CARMIL1: variants seen among roughly 807,000 people sequenced by gnomAD.
The protein encoded by CARMIL1 is capping protein regulator and myosin 1 linker 1.
Under a neutral mutation model 177.1 loss-of-function variants are expected in CARMIL1, and 90 were observed. The observed-to-expected ratio is 0.51, with a 90% CI of 0.43 to 0.61. The LOEUF (loss-of-function observed/expected upper bound fraction) is 0.61, where lower values mean the gene tolerates loss of function less well. Among genes scored for constraint, CARMIL1 ranks in the 20% least tolerant of loss-of-function variants. CARMIL1 has a pLI of 0.00. For synonymous variants in CARMIL1, 577 were observed against 606.2 expected (o/e 0.95, Z 0.71); for missense variants, 1,380 against 1,667.0 (o/e 0.83, Z 3.00).
intron 2 of CARMIL1, among the ~76,000 whole-genome samples, chr6:25,285,843 G>C (rs1165653509): frequency 6.6e-6 from 1 of 151,834 alleles, no homozygotes; most frequent in Non-Finnish European, 1.5e-5. Context: ...CAAATCCCAG[G>C]TATGTTATTG....
intron 15 of CARMIL1, among the ~76,000 whole-genome samples, chr6:25,494,692 A>G (rs1403518951): frequency 6.6e-6 from 1 of 152,198 alleles, no homozygotes. Context: ...GTCTTGTTGC[A>G]TGTGAAACCT....
intron 2 of CARMIL1, among the ~76,000 whole-genome samples, chr6:25,307,666 G>A (rs916100084): frequency 6.6e-6 from 1 of 152,208 alleles, no homozygotes; most frequent in Non-Finnish European, 1.5e-5. Context: ...AGTAAACAGA[G>A]ATGTATTTAG....
rs184605769 is a variant in CARMIL1, at chr6:25,404,618, T to C, written c.139-15496T>C. 1.2e-3 allele frequency among the ~76,000 whole-genome samples: 188 copies of C among 152,198 alleles called. 1 individual carries two copies. The highest frequency in any genetic ancestry group is 0.01 in the Middle Eastern group (3 of 294). On this transcript the variant is annotated intron_variant, in intron 2 of 36. Coordinates refer to ENST00000329474, the MANE Select transcript of CARMIL1 (RefSeq NM_017640.6). ...TAAAAATACAAAAATTAGCCAGGCA[T>C]GGTGGCACACACCTGTAGTCCCAGC...
chr6:25,290,390 T>C (rs1781857258), intron 2 of CARMIL1, among the ~76,000 whole-genome samples: 1 of 148,440 alleles, frequency 6.7e-6, no homozygotes. Flanking sequence ...TTTTTTTTTT[T>C]TTGAGAACTA....
At chr6:25,357,094 G>A (rs1199749988) in intron 2 of CARMIL1, among the ~76,000 whole-genome samples, 1 of 146,218 alleles carries the variant, frequency 6.8e-6, no homozygotes, top group Non-Finnish European at 1.5e-5. Flanking sequence ...TTTTTTTTTG[G>A]CACTCTGTAA....
intron 36 of CARMIL1, among the ~76,000 whole-genome samples, chr6:25,611,066 A>G (rs762289149): frequency 6.6e-6 from 1 of 151,938 alleles, no homozygotes. Context: ...CTCTTCCTAC[A>G]TTGGCCTATT....
intron 23 of CARMIL1, among the ~76,000 whole-genome samples, chr6:25,521,821 C>T (rs994455096): frequency 2.0e-5 from 3 of 150,250 alleles, no homozygotes; most frequent in Non-Finnish European, 2.9e-5. Context: ...CAGTCAGAGT[C>T]GTAGTGGTCT....
chr6:25,401,053 C>T (rs1793842940), intron 2 of CARMIL1, among the ~76,000 whole-genome samples: 1 of 152,048 alleles, frequency 6.6e-6, no homozygotes, highest in African/African-American at 2.4e-5. Context: ...TAGGGTTTTC[C>T]TGCATATTGT....
intron 24 of CARMIL1, among the ~76,000 whole-genome samples, chr6:25,529,171 T>C (rs951766614): frequency 6.6e-6 from 1 of 152,204 alleles, no homozygotes; most frequent in African/African-American, 2.4e-5. Context: ...GATAATAAAA[T>C]CTGAAAGTGA....
chr6:25,394,879 A>G (rs1337886718), intron 2 of CARMIL1, among the ~76,000 whole-genome samples: 1 of 152,230 alleles, frequency 6.6e-6, no homozygotes, highest in Admixed American at 6.5e-5. Context: ...TAAATATGTT[A>G]CTTATTTCCT....
At chr6:25,409,788 A>G (rs527292536) in intron 2 of CARMIL1, among the ~76,000 whole-genome samples, 1 of 152,242 alleles carries the variant, frequency 6.6e-6, no homozygotes, top group South Asian at 2.1e-4. Context: ...TTTGTGAAAT[A>G]ATGCTCATGT....
chr6:25,515,945 T>C lies in CARMIL1; in HGVS notation c.1805+98T>C. The C allele has an allele frequency of 8.3e-7, 1 of 1,210,730 alleles. No individual in the cohort carries two copies. The highest frequency in any genetic ancestry group is 1.1e-6 in the Non-Finnish European group (1 of 883,358). 75.0% of individuals were successfully genotyped at this position (1,210,730 alleles called of 1,614,324 possible). A position where few individuals can be genotyped will look rare whatever the true frequency, so the allele number is the denominator to read the frequency against. On this transcript the variant is annotated intron_variant, in intron 21 of 36. Transcript: ENST00000329474. This position sits in a 1 kb window ranked among gnomAD's most constrained non-coding sequence, Gnocchi z 5.0. Reference sequence around the variant, plus strand: ...TGCTGGGCCCGAGGGGACCTGGGCTTCCCATGAGGCCATCTTGAGGAGAAG... The same window carrying C: ...TGCTGGGCCCGAGGGGACCTGGGCTCCCCATGAGGCCATCTTGAGGAGAAG...
At chr6:25,617,973 T>A (rs1211286323) in intron 36 of CARMIL1, among the ~76,000 whole-genome samples, 2 of 152,198 alleles carry the variant, frequency 1.3e-5, no homozygotes, top group Non-Finnish European at 2.9e-5. Flanking sequence ...GTTTGAGAAT[T>A]TGCCTGAATC....
rs949767688 is a variant in CARMIL1, at chr6:25,500,139, T to C, written c.1326-27T>C. On this transcript the variant is annotated intron_variant, in intron 16 of 36. Coordinates refer to ENST00000329474, the MANE Select transcript of CARMIL1 (RefSeq NM_017640.6). ...TTTTGGGCAGTGTGTGGAATGTGTATCTAATATGTGTGTTTCCTCCCCTCA... is the reference window on the plus strand; with the variant it reads ...TTTTGGGCAGTGTGTGGAATGTGTACCTAATATGTGTGTTTCCTCCCCTCA... The C allele has an allele frequency of 1.9e-6, 3 of 1,604,070 alleles. No individual in the cohort carries two copies. The African/African-American group carries it at 4.0e-5, about 21-fold the overall frequency.
intron 2 of CARMIL1, among the ~76,000 whole-genome samples, chr6:25,343,291 G>C (rs1324581382): frequency 6.6e-6 from 1 of 150,528 alleles, no homozygotes; most frequent in Non-Finnish European, 1.5e-5. Context: ...ATTACTCAGA[G>C]AGTTAGCTAA....
chr6:25,437,210 A>G (rs1403259483), intron 5 of CARMIL1, among the ~76,000 whole-genome samples: 1 of 152,184 alleles, frequency 6.6e-6, no homozygotes, highest in African/African-American at 2.4e-5. Flanking sequence ...ATTAATACTG[A>G]TGAAATAAAA....
At chr6:25,560,128 G>C (rs935956674) in intron 29 of CARMIL1, among the ~76,000 whole-genome samples, 1 of 152,136 alleles carries the variant, frequency 6.6e-6, no homozygotes, top group African/African-American at 2.4e-5. Flanking sequence ...AATGATTTGA[G>C]TGATTTCTTG....
At chr6:25,420,212 CCACTCATGCATAGT>C (rs1795730846) in intron 3 of CARMIL1, 48 bp downstream of exon 3, 2 of 1,556,542 alleles carry the variant, frequency 1.3e-6, no homozygotes, top group Non-Finnish European at 1.8e-6. Context: ...TCACTCATAC[CCACTCATGCATAGT>C]CACTCATGCA....
intron 29 of CARMIL1, among the ~76,000 whole-genome samples, chr6:25,562,211 A>G (rs1349706614): frequency 6.6e-6 from 1 of 150,936 alleles, no homozygotes; most frequent in Admixed American, 6.6e-5. Context: ...CAGAGGCCCT[A>G]TTCCAGGGAG....
Sources: gnomAD v4.1 joint callset for allele counts (sites outside exome capture counted in the v4.1 genomes callset) on GRCh38, gnomAD v4.1.1 for gene constraint, Gnocchi (gnomAD v3.1) non-coding constraint, MANE v1.5 for transcripts, NCBI Gene and HGNC (gene_info 2026-07-23, HGNC 2026-07-21) for gene names.